Variants in ARHGEF7 observed in about 807,000 individuals in gnomAD.
The protein encoded by ARHGEF7 is Rho guanine nucleotide exchange factor 7, also known as PAK-interacting exchange factor beta.
Under a neutral mutation model 109.8 loss-of-function variants are expected in ARHGEF7, and 33 were observed. The ratio of observed to expected loss-of-function variants is 0.30; its 90% CI spans 0.23 to 0.40. ARHGEF7 has a LOEUF of 0.40. Among genes scored for constraint, ARHGEF7 ranks in the 10% least tolerant of loss-of-function variants. ARHGEF7 has a pLI of 1.00. For synonymous variants in ARHGEF7, 458 were observed against 424.6 expected (o/e 1.08, Z -0.97); for missense variants, 938 against 1,098.5 (o/e 0.85, Z 2.07).
intron 2 of ARHGEF7, among the ~76,000 whole-genome samples, chr13:111,193,510 C>G (rs1399176079): frequency 2.0e-5 from 3 of 152,224 alleles, no homozygotes; most frequent in Non-Finnish European, 2.9e-5. Flanking sequence ...AATGGGGGTT[C>G]CCTCAGAGGT....
chr13:111,268,860 A>T (rs75196384), intron 9 of ARHGEF7, among the ~76,000 whole-genome samples: 3,336 of 152,174 alleles, frequency 0.022, 125 homozygotes, highest in African/African-American at 0.077. Flanking sequence ...TTCATTTTTT[A>T]ATTTTTTTAT....
chr13:111,245,079 G>C (rs1339309618), intron 8 of ARHGEF7, among the ~76,000 whole-genome samples: 1 of 152,186 alleles, frequency 6.6e-6, no homozygotes, highest in African/African-American at 2.4e-5. Flanking sequence ...TGTGACGTGC[G>C]GTCAGGCGCT....
Position 111,255,133 on chromosome 13 carries a change from C to T in ARHGEF7, c.950+10839C>T, listed in dbSNP as rs1422057606. On this transcript the variant is annotated intron_variant, in intron 8 of 21. Transcript: ENST00000646102. The surrounding 1 kb of genome is among the most constrained non-coding windows in gnomAD (Gnocchi z 4.1). ...TCGGGCTAAGGCGCTGAGTCGCTAA[C>T]GTGAAGGCCGGGCCCAGAAGAGGAT... 2.9e-5 allele frequency among the ~76,000 whole-genome samples: 3 copies of T among 104,084 alleles called. No individual in the cohort carries two copies. The highest frequency in any genetic ancestry group is 8.4e-4 in the South Asian group (2 of 2,382). The allele number at this position is 104,084 out of a possible 152,430, so 68.3% of individuals were successfully genotyped here. A position where few individuals can be genotyped will look rare whatever the true frequency, so the allele number is the denominator to read the frequency against.
chr13:111,203,445 A>G (rs1210356086), intron 2 of ARHGEF7, among the ~76,000 whole-genome samples: 1 of 152,242 alleles, frequency 6.6e-6, no homozygotes, highest in African/African-American at 2.4e-5. Context: ...AGATGATTCT[A>G]AAGACTATCT....
chr13:111,286,300 T>A (rs2093015245), intron 17 of ARHGEF7, 60 bp downstream of exon 17: 3 of 1,375,212 alleles, frequency 2.2e-6, no homozygotes, highest in Non-Finnish European at 2.1e-6. Flanking sequence ...AGGCCATGGC[T>A]TTCCTGGGAT....
chr13:111,225,515 T>G (rs1219283860), intron 5 of ARHGEF7, among the ~76,000 whole-genome samples: 2 of 151,826 alleles, frequency 1.3e-5, no homozygotes, highest in Non-Finnish European at 2.9e-5. Context: ...TTTTTTTGTT[T>G]TTTTTTTTTT....
chr13:111,229,365 GT>G (rs2085698094), intron 5 of ARHGEF7, among the ~76,000 whole-genome samples: 1 of 152,188 alleles, frequency 6.6e-6, no homozygotes, highest in African/African-American at 2.4e-5. Context: ...CTGCCTGTCA[GT>G]TCATTAATTC....
At chr13:111,158,899 T>G in intron 2 of ARHGEF7, 1 of 617,850 alleles carries the variant, frequency 1.6e-6, no homozygotes, top group South Asian at 2.0e-5. Context: ...CTTTTAGCAA[T>G]TTTGAAATAT....
In ARHGEF7 at chr13:111,228,829, C is replaced by T. The variant is rs2085588406; in HGVS notation, c.671-4376C>T. On this transcript the variant is annotated intron_variant, in intron 5 of 21. Coordinates refer to ENST00000646102, the MANE Select transcript of ARHGEF7 (RefSeq NM_001354046.2). This position sits in a 1 kb window ranked among gnomAD's most constrained non-coding sequence, Gnocchi z 4.6. ...AGGTCGGAAGAGGACGTGGGAATTC[C>T]GAGTTTTTCAGGGCCATGTCTGCTC... 6.6e-6 allele frequency among the ~76,000 whole-genome samples: 1 copy of T among 151,906 alleles called. No individual in the cohort carries two copies. Among genetic ancestry groups the T allele is most frequent in the Admixed American group, 6.6e-5 (1 of 15,248 alleles).
At chr13:111,124,630 A>G (rs1239078287) in intron 1 of ARHGEF7, among the ~76,000 whole-genome samples, 1 of 152,168 alleles carries the variant, frequency 6.6e-6, no homozygotes, top group African/African-American at 2.4e-5. Context: ...CTTGTCTACC[A>G]CCTGGGAGGG....
rs1019016942 is a variant in ARHGEF7 at position 111,153,902 on chromosome 13, C to T, written c.166-3C>T. The T allele has an allele frequency of 1.9e-6, 3 of 1,602,390 alleles. No homozygotes were observed. The highest frequency in any genetic ancestry group is 1.7e-6 in the Non-Finnish European group (2 of 1,176,154). On this transcript the variant is annotated splice_polypyrimidine_tract_variant and splice_region_variant and intron_variant, in intron 1 of 21. Coordinates refer to ENST00000646102, the MANE Select transcript of ARHGEF7 (RefSeq NM_001354046.2). Reference sequence around the variant, plus strand: ...CGCTCAGCGCTTGTGCTCTGTATTGCAGGTCTACCCCGAGCCCCGGAGCGA... The same window carrying T: ...CGCTCAGCGCTTGTGCTCTGTATTGTAGGTCTACCCCGAGCCCCGGAGCGA...
At chr13:111,148,944 C>G (rs2075751334) in intron 1 of ARHGEF7, among the ~76,000 whole-genome samples, 1 of 152,176 alleles carries the variant, frequency 6.6e-6, no homozygotes, top group Non-Finnish European at 1.5e-5. Context: ...GACAAATCTC[C>G]TTGCGTTTTC....
rs762951675 is a variant in ARHGEF7, at chr13:111,205,415, T to C, written c.337+42T>C. The C allele has an allele frequency of 3.5e-6, 5 of 1,417,610 alleles. No homozygotes were observed. In the East Asian group the frequency reaches 1.3e-4, roughly 35 times the overall value. 87.8% of individuals were successfully genotyped at this position (1,417,610 alleles called of 1,614,324 possible). A position where few individuals can be genotyped will look rare whatever the true frequency, so the allele number is the denominator to read the frequency against. On this transcript the variant is annotated intron_variant, in intron 3 of 21. Transcript: ENST00000646102. ...TTGAACTCGAGGGGGTGGGAAGACA[T>C]ACGGGCTGACACCTTTGGTTTTCTT...
chr13:111,274,095 T>C, intron 10 of ARHGEF7, 143 bp downstream of exon 10: 1 of 1,064,316 alleles, frequency 9.4e-7, no homozygotes, highest in African/African-American at 1.6e-5. Flanking sequence ...TTAAATATTA[T>C]GTTTTTCTCC....
At chr13:111,212,692 C>T (rs1355508893) in intron 4 of ARHGEF7, among the ~76,000 whole-genome samples, 1 of 152,188 alleles carries the variant, frequency 6.6e-6, no homozygotes, top group African/African-American at 2.4e-5. Flanking sequence ...TTGGACCAGT[C>T]ACCGAGTGTA....
At chr13:111,216,714 G>A (rs1031242113) in intron 4 of ARHGEF7, among the ~76,000 whole-genome samples, 3 of 152,220 alleles carry the variant, frequency 2.0e-5, no homozygotes, top group African/African-American at 7.2e-5. Context: ...TACCATCAGT[G>A]GTAGGGAAGA....
chr13:111,265,118 C>G (rs1294361774), intron 8 of ARHGEF7, among the ~76,000 whole-genome samples: 2 of 114,726 alleles, frequency 1.7e-5, no homozygotes, highest in Admixed American at 1.8e-4. Context: ...GAGAGAAACT[C>G]CATCTCAAAA....
chr13:111,124,423 C>T (rs946692757), intron 1 of ARHGEF7, among the ~76,000 whole-genome samples: 3 of 152,274 alleles, frequency 2.0e-5, no homozygotes, highest in Admixed American at 6.5e-5. Context: ...CCAGAGACTC[C>T]TCCATCTGCT....
intron 5 of ARHGEF7, among the ~76,000 whole-genome samples, chr13:111,223,519 G>A (rs1378248472): frequency 6.6e-6 from 1 of 152,222 alleles, no homozygotes; most frequent in African/African-American, 2.4e-5. Context: ...AAATTGACCA[G>A]ATGGTCCAAT....
Sources: allele counts gnomAD v4.1 joint callset (sites outside exome capture counted in the v4.1 genomes callset), GRCh38; gene constraint gnomAD v4.1.1; non-coding constraint Gnocchi (gnomAD v3.1); transcripts MANE v1.5; gene names NCBI Gene and HGNC (gene_info 2026-07-23, HGNC 2026-07-21).